HYCC2: variants seen among roughly 807,000 people sequenced by gnomAD.
HYCC2 encodes the protein hyccin PI4KA lipid kinase complex subunit 2, also known as hyccin 2.
the HYCC2 span, among the ~76,000 whole-genome samples, chr2:201,013,479 C>CA: frequency 0.05 from 3,305 of 65,962 alleles, 51 homozygotes; most frequent in African/African-American, 0.078. Context: ...CACTCCATTT[C>CA]AAAAAAAAAA....
chr2:201,050,872 T>C, the HYCC2 span, among the ~76,000 whole-genome samples: 1 of 151,810 alleles, frequency 6.6e-6, no homozygotes, highest in Non-Finnish European at 1.5e-5. Context: ...GAGGCGGAGG[T>C]TGCAGTGAGC....
chr2:200,987,237 A>C, the HYCC2 span: 1 of 764,274 alleles, frequency 1.3e-6, no homozygotes, highest in Non-Finnish European at 1.8e-6. Flanking sequence ...TTGCAAAGAG[A>C]AGCTAATACA....
the HYCC2 span, among the ~76,000 whole-genome samples, chr2:201,017,390 C>A: frequency 1.3e-5 from 2 of 152,094 alleles, no homozygotes; most frequent in Admixed American, 6.5e-5. Context: ...CATCAATGTA[C>A]CTTTCAGTAT....
chr2:200,978,110 T>G, the HYCC2 span: 2 of 152,318 alleles, frequency 1.3e-5, no homozygotes, highest in South Asian at 2.1e-4. Context: ...GTATGAATAT[T>G]GCTGGCATAT....
At chr2:201,006,746 C>T in the HYCC2 span, among the ~76,000 whole-genome samples, 2 of 152,078 alleles carry the variant, frequency 1.3e-5, no homozygotes, top group Non-Finnish European at 2.9e-5. Context: ...TTTCAGGTTT[C>T]ATTTACTGCC....
At chr2:201,024,087 C>G in the HYCC2 span, 2 of 1,038,344 alleles carry the variant, frequency 1.9e-6, no homozygotes, top group Admixed American at 1.9e-5. Flanking sequence ...CTTATAGGAA[C>G]AACTAGAAAT....
At chr2:201,000,342 T>C in the HYCC2 span, among the ~76,000 whole-genome samples, 2 of 151,940 alleles carry the variant, frequency 1.3e-5, no homozygotes, top group Admixed American at 6.6e-5. Context: ...TAAGCCATGA[T>C]CATGCCACTG....
chr2:201,047,848 C>A, the HYCC2 span, among the ~76,000 whole-genome samples: 3 of 90,786 alleles, frequency 3.3e-5, no homozygotes, highest in South Asian at 3.3e-4. Flanking sequence ...CTATGCCCAG[C>A]AAAACTATCC....
At chr2:201,018,397 C>G in the HYCC2 span, among the ~76,000 whole-genome samples, 1 of 152,122 alleles carries the variant, frequency 6.6e-6, no homozygotes, top group Non-Finnish European at 1.5e-5. Flanking sequence ...GTACTTTCCT[C>G]TATTCTAAAT....
chr2:201,067,171 A>T, the HYCC2 span: 1 of 226,062 alleles, frequency 4.4e-6, no homozygotes, highest in African/African-American at 2.3e-5. Context: ...GGAGGTTGTC[A>T]ACAAAATTGG....
At chr2:201,053,404 A>ACTG in the HYCC2 span, among the ~76,000 whole-genome samples, 2 of 152,248 alleles carry the variant, frequency 1.3e-5, no homozygotes, top group African/African-American at 2.4e-5. Flanking sequence ...AATAAATGTA[A>ACTG]CTGCATCCCA....
chr2:201,050,118 G>A, the HYCC2 span, among the ~76,000 whole-genome samples: 1 of 151,864 alleles, frequency 6.6e-6, no homozygotes, highest in Non-Finnish European at 1.5e-5. Context: ...AGCCTGTGAG[G>A]TGGGAGGATT....
chr2:200,986,121 A>G, the HYCC2 span, among the ~76,000 whole-genome samples: 1 of 152,312 alleles, frequency 6.6e-6, no homozygotes, highest in South Asian at 2.1e-4. Context: ...GATACAGGGG[A>G]AAAAGGGAAC....
chr2:201,032,622 C>T, the HYCC2 span, among the ~76,000 whole-genome samples: 2 of 152,128 alleles, frequency 1.3e-5, no homozygotes, highest in African/African-American at 4.8e-5. Context: ...TTGAGATTCG[C>T]TTCCATTATC....
At chr2:201,038,787 T>C in the HYCC2 span, among the ~76,000 whole-genome samples, 4 of 152,042 alleles carry the variant, frequency 2.6e-5, no homozygotes, top group Admixed American at 2.0e-4. Flanking sequence ...GAGATATACC[T>C]AATGTTAAAT....
chr2:201,042,091 G>A, the HYCC2 span, among the ~76,000 whole-genome samples: 1 of 152,224 alleles, frequency 6.6e-6, no homozygotes, highest in East Asian at 1.9e-4. Context: ...CAAGTGCCTG[G>A]GATTGCAGGC....
At chr2:201,042,008 C>T in the HYCC2 span, among the ~76,000 whole-genome samples, 1 of 152,142 alleles carries the variant, frequency 6.6e-6, no homozygotes, top group African/African-American at 2.4e-5. Flanking sequence ...TGATGCCGAG[C>T]CGAGGCTGGA....
the HYCC2 span, among the ~76,000 whole-genome samples, chr2:201,030,309 TAC>T: frequency 6.6e-6 from 1 of 152,018 alleles, no homozygotes; most frequent in Non-Finnish European, 1.5e-5. Context: ...TATCTATAAA[TAC>T]AGTTAGTTGA....
chr2:201,049,552 A>G, the HYCC2 span, among the ~76,000 whole-genome samples: 1 of 149,550 alleles, frequency 6.7e-6, no homozygotes, highest in African/African-American at 2.5e-5. Flanking sequence ...ACGGGGTTTC[A>G]CCACGTTGGC....
Sources: gnomAD v4.1 joint callset for allele counts (sites outside exome capture counted in the v4.1 genomes callset) on GRCh38, gnomAD v4.1.1 for gene constraint, MANE v1.5 for transcripts, NCBI Gene and HGNC (gene_info 2026-07-23, HGNC 2026-07-21) for gene names.